The following MKNK2 variants were observed in gnomAD, a reference collection of about 807,000 sequenced individuals.
MKNK2 encodes the protein MAP kinase-interacting serine/threonine-protein kinase 2.
A neutral mutation model predicts 55.0 loss-of-function variants in MKNK2; 54 were observed. The observed-to-expected ratio is 0.98, with a 90% CI of 0.79 to 1.23. The LOEUF (loss-of-function observed/expected upper bound fraction) is 1.23. MKNK2 is among the 50% of genes most tolerant of loss of function. The pLI, the probability that MKNK2 is intolerant of heterozygous loss-of-function variation, is 0.00. For synonymous variants in MKNK2, 323 were observed against 256.0 expected, an observed-to-expected ratio of 1.26 and a Z score of -2.50; for missense variants, 685 against 632.1, an observed-to-expected ratio of 1.08 and a Z score of -0.90.
chr19:2,048,892 G>A (rs542697305), intron 2 of MKNK2, among the ~76,000 whole-genome samples: 11 of 152,292 alleles, frequency 7.2e-5, no homozygotes, highest in African/African-American at 2.4e-4. Context: ...CCACAAGGCA[G>A]GTGACCAGGG....
chr19:2,042,686 C>T (rs770978561), intron 8 of MKNK2, 24 bp from the exon 9 acceptor site: 17 of 1,557,422 alleles, frequency 1.1e-5, no homozygotes, highest in Non-Finnish European at 1.4e-5. Context: ...CACAGAACCA[C>T]GACGGGGTGA....
chr19:2,042,549 C>T (rs2016912450), intron 9 of MKNK2, 27 bp from the exon 10 acceptor site: 2 of 1,582,352 alleles, frequency 1.3e-6, no homozygotes, highest in Non-Finnish European at 1.7e-6. Context: ...GGTCCGTGAG[C>T]CTGGGGTCCC....
In MKNK2 at chr19:2,039,536, C is replaced by A; in HGVS notation, c.*77G>T. The stretch of plus-strand genomic sequence containing the variant: ...AGAGGAGGGGCAGCCCGCTGGACAC[C>A]GGCTGGCGATAGCTTAAAAAACCTT... On this transcript the variant is annotated 3_prime_UTR_variant, in exon 14 of 14. Transcript: ENST00000250896. 6.7e-7 allele frequency: 1 copy of A among 1,500,428 alleles called. No individual in the cohort carries two copies. Among genetic ancestry groups the A allele is most frequent in the African/African-American group, 1.4e-5 (1 of 73,024 alleles). 92.9% of individuals were successfully genotyped at this position (1,500,428 alleles called of 1,614,324 possible).
chr19:2,042,176 GC>G, intron 10 of MKNK2, 142 bp from the exon 11 acceptor site: 6 of 826,046 alleles, frequency 7.3e-6, no homozygotes, highest in Non-Finnish European at 8.8e-6. Context: ...CCGGGAACGC[GC>G]CCCCGCCCAA....
In MKNK2 at chr19:2,037,803, G is replaced by A; in HGVS notation, c.*1810C>T. The A allele has an allele frequency of 6.2e-7, 1 of 1,606,062 alleles. No individual in the cohort carries two copies. Among genetic ancestry groups the A allele is most frequent in the Non-Finnish European group, 8.5e-7 (1 of 1,175,712 alleles). ...TCGCACGTGGATGCGACAGGGGTGG[G>A]GAGGGAGGAGGAAGTGACTGTCCCA... On this transcript the variant is annotated 3_prime_UTR_variant, in exon 14 of 14. Transcript: ENST00000250896.
Position 2,039,445 on chromosome 19 carries a change from A to AC in MKNK2, c.*167dup. On this transcript the variant is annotated 3_prime_UTR_variant, in exon 14 of 14. Coordinates refer to ENST00000250896, the MANE Select transcript of MKNK2 (RefSeq NM_199054.3). ...GAGGGGTGGAAACAGGAAAAAAAAA[A>AC]CCCAAAAGCAAAAACCTTCTATAAA... 7.1e-7 allele frequency: 1 copy of AC among 1,401,474 alleles called. No homozygotes were observed. Among genetic ancestry groups the AC allele is most frequent in the Non-Finnish European group, 9.3e-7 (1 of 1,079,208 alleles). 86.8% of individuals were successfully genotyped at this position (1,401,474 alleles called of 1,614,324 possible).
rs2287003 is a variant in MKNK2, at chr19:2,041,033, T to G, written c.1110+7A>C. 2 of 1,613,190 alleles carry G rather than the reference T, an allele frequency of 1.2e-6. No individual in the cohort carries two copies. ...CCCCTCCTGCCGCCCGTGCGGCTGGTACTCACCCCCTGAACCCAGGGGTGC... is the reference window on the plus strand; with the variant it reads ...CCCCTCCTGCCGCCCGTGCGGCTGGGACTCACCCCCTGAACCCAGGGGTGC... On this transcript the variant is annotated splice_region_variant and intron_variant, in intron 12 of 13. Coordinates refer to ENST00000250896, the MANE Select transcript of MKNK2 (RefSeq NM_199054.3).
chr19:2,047,986 C>T (rs375288338), intron 2 of MKNK2, among the ~76,000 whole-genome samples: 8 of 152,174 alleles, frequency 5.3e-5, no homozygotes, highest in African/African-American at 1.2e-4. Context: ...CCCCCAACCC[C>T]GCAGCTACCA....
chr19:2,044,111 C>T (rs1442204265), intron 5 of MKNK2, among the ~76,000 whole-genome samples: 1 of 152,108 alleles, frequency 6.6e-6, no homozygotes, highest in African/African-American at 2.4e-5. Flanking sequence ...GTTCCCTGCC[C>T]TGGGCGGCCA....
rs1197016978 is a variant in MKNK2 at position 2,039,821 on chromosome 19, G to A, written c.1190C>T (p.Ala397Val). The A allele has an allele frequency of 6.2e-7, 1 of 1,602,920 alleles. No homozygotes were observed. Among genetic ancestry groups the A allele is most frequent in the African/African-American group, 1.3e-5 (1 of 74,906 alleles). Residue 397 changes from alanine to valine, a missense_variant, in exon 14 of 14, where the codon GCT (alanine) becomes GTT (valine). Transcript: ENST00000250896. ...CTGCCGGTTCATGGCAATGGCCTCA[G>A]CCGCGAAGGACGTGAGGTCTTTGGC... ...SCAKDLTSFA[A>V]EAIAMNRQLA...
At chr19:2,043,362 C>T in intron 6 of MKNK2, 141 bp downstream of exon 6, 1 of 1,013,452 alleles carries the variant, frequency 9.9e-7, no homozygotes, top group South Asian at 1.4e-5. Flanking sequence ...GGCTGTCAGC[C>T]AGCCTGCTTC....
rs1403422519 is a variant in MKNK2 at position 2,038,956 on chromosome 19, G to A, written c.*657C>T. On this transcript the variant is annotated 3_prime_UTR_variant, in exon 14 of 14. Transcript: ENST00000250896. ...CCTGGACAGACAGACGGGCCTTGCA[G>A]GAAGCCCCGATTGTCAACTATCATG... 11 of 985,778 alleles carry A rather than the reference G, an allele frequency of 1.1e-5. No individual in the cohort carries two copies. Among genetic ancestry groups the A allele is most frequent in the South Asian group, 4.7e-5 (1 of 21,294 alleles). The allele number at this position is 985,778 out of a possible 1,614,324, so 61.1% of individuals were successfully genotyped here.
In MKNK2 at chr19:2,042,761, C is replaced by A; in HGVS notation, c.598+5G>T. ...TAGGAGACTCCGGGCGGGGTCACCA[C>A]CTACCTTTGTTATGCAGAAAGTCCA... is the stretch of plus-strand genomic sequence containing the variant. On this transcript the variant is annotated splice_donor_5th_base_variant and intron_variant, in intron 8 of 13. Transcript: ENST00000250896. 1.3e-6 allele frequency: 2 copies of A among 1,568,200 alleles called. No individual in the cohort carries two copies. Among genetic ancestry groups the A allele is most frequent in the Non-Finnish European group, 1.7e-6 (2 of 1,154,316 alleles).
rs1024218861 is a variant in MKNK2, at chr19:2,039,374, C to T, written c.*239G>A. ...CCCACCTACCCTCTGCTCACCTTCC[C>T]GGGTGCCTGCAATGCTTTTAACCAT... On this transcript the variant is annotated 3_prime_UTR_variant, in exon 14 of 14. Coordinates refer to ENST00000250896, the MANE Select transcript of MKNK2 (RefSeq NM_199054.3). 30 of 1,383,006 alleles carry T rather than the reference C, an allele frequency of 2.2e-5. No individual in the cohort carries two copies. Among genetic ancestry groups the T allele is most frequent in the African/African-American group, 2.9e-5 (2 of 68,792 alleles). 85.7% of individuals were successfully genotyped at this position (1,383,006 alleles called of 1,614,324 possible). A position where few individuals can be genotyped will look rare whatever the true frequency, so the allele number is the denominator to read the frequency against.
At chr19:2,041,377 G>A (rs2016878921) in intron 11 of MKNK2, among the ~76,000 whole-genome samples, 173 bp from the exon 12 acceptor site, 1 of 152,050 alleles carries the variant, frequency 6.6e-6, no homozygotes, top group Non-Finnish European at 1.5e-5. Context: ...CACCCAAGTG[G>A]AGCTGGATTT....
chr19:2,038,423 C>T lies in MKNK2; in HGVS notation c.*1190G>A. ...AACCCTGTATTGCATAGAACGTCCC[C>T]ACCCGCGGGGAGGGGGCAGCAGGCT... On this transcript the variant is annotated 3_prime_UTR_variant, in exon 14 of 14. Transcript: ENST00000250896. The T allele has an allele frequency of 3.0e-6, 3 of 985,506 alleles. No individual in the cohort carries two copies. Among genetic ancestry groups the T allele is most frequent in the Non-Finnish European group, 3.6e-6 (3 of 829,866 alleles). 61.0% of individuals were successfully genotyped at this position (985,506 alleles called of 1,614,324 possible).
Position 2,038,382 on chromosome 19 carries a change from C to G in MKNK2, c.*1231G>C. 1 of 986,144 alleles carries G rather than the reference C, an allele frequency of 1.0e-6. No individual in the cohort carries two copies. Among genetic ancestry groups the G allele is most frequent in the Non-Finnish European group, 1.2e-6 (1 of 830,238 alleles). 61.1% of individuals were successfully genotyped at this position (986,144 alleles called of 1,614,324 possible). On this transcript the variant is annotated 3_prime_UTR_variant, in exon 14 of 14. Transcript: ENST00000250896. ...AGGGCGGGCGGTGACCCTAGCCGCG[C>G]GCACTTCTAAAGTGGAACCCTGTAT...
rs372329527 is a variant in MKNK2, at chr19:2,048,439, G to A, written c.52-1748C>T. ...CTTTGAAGCTGGGGAACCGAGGCCC[G>A]GTCAGGTTCCTTGTACCACTGAGCT... On this transcript the variant is annotated intron_variant, in intron 2 of 13. Transcript: ENST00000250896. Among the ~76,000 whole-genome samples the A allele has an allele frequency of 8.0e-4, 122 of 152,198 alleles. 1 individual carries two copies. Among genetic ancestry groups the A allele is most frequent in the South Asian group, 5.2e-3 (25 of 4,830 alleles).
Position 2,038,932 on chromosome 19 carries a change from C to G in MKNK2, c.*681G>C, listed in dbSNP as rs922567132. 32 of 985,796 alleles carry G rather than the reference C, an allele frequency of 3.2e-5. No individual in the cohort carries two copies. The highest frequency in any genetic ancestry group is 3.6e-5 in the Non-Finnish European group (30 of 830,008). The allele number at this position is 985,796 out of a possible 1,614,324, so 61.1% of individuals were successfully genotyped here. On this transcript the variant is annotated 3_prime_UTR_variant, in exon 14 of 14. Transcript: ENST00000250896. ...AGGCCGAATCTGGCCACCAGGAGTC[C>G]TGGACAGACAGACGGGCCTTGCAGG...
Sources: allele counts gnomAD v4.1 joint callset (sites outside exome capture counted in the v4.1 genomes callset), GRCh38; gene constraint gnomAD v4.1.1; transcripts MANE v1.5; gene names NCBI Gene and HGNC (gene_info 2026-07-23, HGNC 2026-07-21).